The following GRID1 variants were observed in gnomAD, a reference collection of about 807,000 sequenced individuals.
The protein encoded by GRID1 is glutamate ionotropic receptor delta type subunit 1.
GRID1 carries 28 observed loss-of-function variants against 98.0 expected under a neutral mutation model. The ratio of observed to expected loss-of-function variants is 0.29; its 90% CI spans 0.21 to 0.39. The LOEUF is 0.39. Among genes scored for constraint, GRID1 ranks in the 10% least tolerant of loss-of-function variants. The pLI, the probability that GRID1 is intolerant of heterozygous loss-of-function variation, is 1.00. For synonymous variants in GRID1, 553 were observed against 538.5 expected (o/e 1.03, Z -0.37); for missense variants, 1,111 against 1,340.5 (o/e 0.83, Z 2.67).
At chr10:86,338,407 A>G (rs1237098915) in intron 2 of GRID1, among the ~76,000 whole-genome samples, 1 of 152,184 alleles carries the variant, frequency 6.6e-6, no homozygotes, top group Non-Finnish European at 1.5e-5. Flanking sequence ...AGAGCCACAA[A>G]GAGATACTCT....
rs1247142429 is a variant in GRID1 at position 85,902,803 on chromosome 10, C to T, written c.780+13383G>A. On this transcript the variant is annotated intron_variant, in intron 5 of 15. Transcript: ENST00000327946. ...GTCCTCCCACCTTTCCCGGCATTCC[C>T]CTTCTAGGTCACGCACCCTCCTGGC... is the stretch of plus-strand genomic sequence containing the variant. Among the ~76,000 whole-genome samples the T allele has an allele frequency of 1.3e-5, 2 of 152,152 alleles. 1 individual carries two copies. The highest frequency in any genetic ancestry group is 4.8e-5 in the African/African-American group (2 of 41,430).
At chr10:85,951,536 G>A (rs10788472) in intron 4 of GRID1, among the ~76,000 whole-genome samples, 92,490 of 152,040 alleles carry the variant, frequency 0.61, 28,296 homozygotes, top group Middle Eastern at 0.73. Flanking sequence ...GGTTCATTTC[G>A]TATGCTGGTT....
At chr10:85,854,028 T>C (rs1176000210) in intron 8 of GRID1, among the ~76,000 whole-genome samples, 1 of 152,218 alleles carries the variant, frequency 6.6e-6, no homozygotes, top group Non-Finnish European at 1.5e-5. Flanking sequence ...CGCTGGCCTC[T>C]GGCATTTTCC....
intron 2 of GRID1, among the ~76,000 whole-genome samples, chr10:86,235,698 T>C (rs1274838138): frequency 5.9e-5 from 9 of 152,260 alleles, no homozygotes; most frequent in African/African-American, 1.9e-4. Context: ...TTGAGGTTCA[T>C]CCATGTTAAG....
chr10:85,772,067 T>A (rs1842275179), intron 8 of GRID1, among the ~76,000 whole-genome samples: 1 of 152,126 alleles, frequency 6.6e-6, no homozygotes, highest in African/African-American at 2.4e-5. Context: ...ACCACATAGT[T>A]GGAAGGAGAG....
intron 4 of GRID1, among the ~76,000 whole-genome samples, chr10:85,988,903 C>T (rs902220440): frequency 6.6e-6 from 1 of 152,208 alleles, no homozygotes; most frequent in Admixed American, 6.5e-5. Flanking sequence ...AGTCACAGAT[C>T]CCTAGAAAGA....
At chr10:85,860,345 T>G (rs997846980) in intron 6 of GRID1, among the ~76,000 whole-genome samples, 1 of 151,356 alleles carries the variant, frequency 6.6e-6, no homozygotes, top group Non-Finnish European at 1.5e-5. Context: ...CAGGTAAGAG[T>G]AAATTTGAGA....
At chr10:86,351,061 C>T (rs1589458805) in intron 2 of GRID1, among the ~76,000 whole-genome samples, 1 of 152,192 alleles carries the variant, frequency 6.6e-6, no homozygotes, top group African/African-American at 2.4e-5. Flanking sequence ...TTTGAACAGG[C>T]AATCACCAGG....
intron 8 of GRID1, among the ~76,000 whole-genome samples, chr10:85,742,860 C>G (rs1011479941): frequency 2.0e-5 from 3 of 152,170 alleles, no homozygotes; most frequent in African/African-American, 7.2e-5. Context: ...GCTTAGTTCT[C>G]TTGAGATACT....
chr10:86,278,976 A>G (rs567857317), intron 2 of GRID1, among the ~76,000 whole-genome samples: 24 of 152,348 alleles, frequency 1.6e-4, no homozygotes, highest in Non-Finnish European at 3.2e-4. Flanking sequence ...AATAATAATA[A>G]CAAACCACAT....
In GRID1 at chr10:86,226,234, C is replaced by T. The variant is rs531131163; in HGVS notation, c.236-19586G>A. 7.2e-5 allele frequency among the ~76,000 whole-genome samples: 11 copies of T among 151,946 alleles called. No individual in the cohort carries two copies. The South Asian group carries it at 1.7e-3, about 23-fold the overall frequency. On this transcript the variant is annotated intron_variant, in intron 2 of 15. Transcript: ENST00000327946. Reference sequence around the variant, plus strand: ...CCACCCCTGGCCGTCACACGTCATACGCCTCACTCATATATGCAAAGCTAT... The same window carrying T: ...CCACCCCTGGCCGTCACACGTCATATGCCTCACTCATATATGCAAAGCTAT...
At chr10:85,722,843 A>G (rs1436165146) in intron 12 of GRID1, among the ~76,000 whole-genome samples, 160 bp downstream of exon 12, 1 of 152,184 alleles carries the variant, frequency 6.6e-6, no homozygotes, top group Non-Finnish European at 1.5e-5. Flanking sequence ...GATAAAATAC[A>G]ACAGGAGTGA....
chr10:86,017,396 T>C (rs532623561), intron 4 of GRID1, among the ~76,000 whole-genome samples: 2 of 152,346 alleles, frequency 1.3e-5, no homozygotes, highest in South Asian at 4.1e-4. Context: ...TCTCATGTTA[T>C]ATTTTAGTAA....
intron 2 of GRID1, among the ~76,000 whole-genome samples, chr10:86,301,758 A>G (rs1207022804): frequency 6.6e-6 from 1 of 152,250 alleles, no homozygotes; most frequent in Non-Finnish European, 1.5e-5. Context: ...ATCATCACTG[A>G]TAAAGGACCC....
At chr10:85,908,788 G>A (rs79461988) in intron 5 of GRID1, among the ~76,000 whole-genome samples, 99 of 152,260 alleles carry the variant, frequency 6.5e-4, no homozygotes, top group African/African-American at 1.0e-3. Flanking sequence ...AAATCGTATC[G>A]TAAAGCTAAA....
chr10:85,862,425 G>T (rs1843171923), intron 6 of GRID1, among the ~76,000 whole-genome samples: 1 of 152,118 alleles, frequency 6.6e-6, no homozygotes, highest in Non-Finnish European at 1.5e-5. Flanking sequence ...GAAAGAGATG[G>T]GAGCTCTGTG....
intron 8 of GRID1, among the ~76,000 whole-genome samples, chr10:85,804,833 T>G (rs1293733414): frequency 6.6e-6 from 1 of 151,830 alleles, no homozygotes. Flanking sequence ...CAAAAAAACC[T>G]TCATTTCACA....
intron 8 of GRID1, among the ~76,000 whole-genome samples, chr10:85,787,019 C>T (rs1178895732): frequency 6.6e-6 from 1 of 152,218 alleles, no homozygotes; most frequent in Admixed American, 6.5e-5. Context: ...CCTCTGCCTC[C>T]CAGCTGCCAT....
chr10:86,087,859 A>G (rs925836947), intron 4 of GRID1, among the ~76,000 whole-genome samples: 6 of 151,598 alleles, frequency 4.0e-5, no homozygotes, highest in African/African-American at 1.5e-4. Context: ...TCTGCTCAGG[A>G]TGGTGGTGCA....
Sources: gnomAD v4.1 joint callset for allele counts (sites outside exome capture counted in the v4.1 genomes callset) on GRCh38, gnomAD v4.1.1 for gene constraint, MANE v1.5 for transcripts, NCBI Gene and HGNC (gene_info 2026-07-23, HGNC 2026-07-21) for gene names.